The following CUL4B variants were observed in gnomAD, a reference collection of about 807,000 sequenced individuals.
CUL4B encodes the protein cullin 4B.
CUL4B carries 1 observed loss-of-function variant against 69.2 expected under a neutral mutation model. The ratio of observed to expected loss-of-function variants is 0.01; its 90% CI spans 0.01 to 0.07. CUL4B has a LOEUF of 0.07. Among genes scored for constraint, CUL4B ranks in the 10% least tolerant of loss-of-function variants. The pLI is 1.00. For missense variants in CUL4B, 328 were observed against 638.8 expected, an observed-to-expected ratio of 0.51 and a Z score of 5.24; for synonymous variants, 237 against 223.2, an observed-to-expected ratio of 1.06 and a Z score of -0.55.
At chrX:120,574,371 C>CGGCTA (rs759780489) in intron 2 of CUL4B, among the ~76,000 whole-genome samples, 9 of 109,874 alleles carry the variant, frequency 8.2e-5, no homozygotes, top group Non-Finnish European at 1.5e-4. Context: ...CAACCACGCC[C>CGGCTA]GGCTAATTTT....
At chrX:120,540,085 T>A in intron 11 of CUL4B, among the ~76,000 whole-genome samples, 1 of 112,348 alleles carries the variant, frequency 8.9e-6, no homozygotes, top group Non-Finnish European at 1.9e-5. Context: ...ACACCCTGCC[T>A]CATTTTTAAA....
intron 2 of CUL4B, 145 bp from the exon 3 acceptor site, chrX:120,547,384 A>G (rs1602581641): frequency 2.1e-6 from 1 of 477,990 alleles, no homozygotes; most frequent in East Asian, 3.7e-5. Flanking sequence ...AAAACAACAA[A>G]ATATATCAAT....
At chrX:120,542,265 T>C (rs917552762) in intron 9 of CUL4B, among the ~76,000 whole-genome samples, 1 of 111,723 alleles carries the variant, frequency 9.0e-6, no homozygotes, top group Non-Finnish European at 1.9e-5. Context: ...GAATACTGGA[T>C]ATAGCCTGTG....
At chrX:120,568,890 G>A (rs778122011), downstream of CUL4B, among the ~76,000 whole-genome samples, 4 of 111,914 alleles carry the variant, frequency 3.6e-5, no homozygotes, top group East Asian at 1.1e-3. Context: ...AAGGAGACTT[G>A]CCATAAAATA....
chrX:120,530,089 C>T lies in CUL4B; in HGVS notation c.2592+13G>A, dbSNP rs754027121. 3 of 1,203,708 alleles carry T rather than the reference C, an allele frequency of 2.5e-6. No homozygotes were observed. The highest frequency in any genetic ancestry group is 3.4e-6 in the Non-Finnish European group (3 of 890,163). On this transcript the variant is annotated intron_variant, in intron 19 of 19. Transcript: ENST00000371322. ...TTATAACACGCTCAATAGGAAAACACAGAAGTACCTACCTTTACTGGAAAT... is the reference window on the plus strand; with the variant it reads ...TTATAACACGCTCAATAGGAAAACATAGAAGTACCTACCTTTACTGGAAAT...
rs1924085209 is a variant in CUL4B, at chrX:120,542,961, A to G, written c.1324+5T>C. 1 of 1,185,949 alleles carries G rather than the reference A, an allele frequency of 8.4e-7. No individual in the cohort carries two copies. The highest frequency in any genetic ancestry group is 1.1e-6 in the Non-Finnish European group (1 of 874,505). On this transcript the variant is annotated splice_donor_5th_base_variant and intron_variant, in intron 9 of 19. Transcript: ENST00000371322. ...GCAATCTCTTATTTACAAATTGCCA[A>G]TTACCTTTCTGAAGAATTGCTGTTA... is the stretch of plus-strand genomic sequence containing the variant.
chrX:120,562,635 G>A (rs1279639605), upstream of CUL4B, among the ~76,000 whole-genome samples: 1 of 112,073 alleles, frequency 8.9e-6, no homozygotes, highest in Non-Finnish European at 1.9e-5. Context: ...CAGAGATTAT[G>A]TTTATGCTGT....
chrX:120,569,252 C>T (rs940199911), downstream of CUL4B, among the ~76,000 whole-genome samples: 4 of 111,968 alleles, frequency 3.6e-5, no homozygotes, highest in Non-Finnish European at 5.6e-5. Flanking sequence ...TGTTCTACTC[C>T]CTTAGTATAC....
At chrX:120,569,713 A>G (rs1219072784), downstream of CUL4B, among the ~76,000 whole-genome samples, 4 of 111,698 alleles carry the variant, frequency 3.6e-5, no homozygotes, top group Admixed American at 9.5e-5. Flanking sequence ...GACAATTACA[A>G]GACAGAGTGA....
At chrX:120,545,010 T>C (rs778785061) in intron 5 of CUL4B, among the ~76,000 whole-genome samples, 35 of 112,578 alleles carry the variant, frequency 3.1e-4, no homozygotes, top group African/African-American at 1.1e-3. Context: ...ATTTATCAAC[T>C]GGTTTCAATA....
chrX:120,530,740 G>A (rs1302674881), intron 18 of CUL4B, among the ~76,000 whole-genome samples: 1 of 111,855 alleles, frequency 8.9e-6, no homozygotes, highest in East Asian at 2.8e-4. Flanking sequence ...TTTTTATTTT[G>A]TAATATATAA....
downstream of CUL4B, among the ~76,000 whole-genome samples, chrX:120,567,522 TAGTC>T (rs1281454865): frequency 9.1e-6 from 1 of 109,464 alleles, no homozygotes; most frequent in Non-Finnish European, 1.9e-5. Context: ...GGTCCAAACC[TAGTC>T]AGTCCAATTC....
At chrX:120,542,924 A>G in intron 9 of CUL4B, 42 bp downstream of exon 9, 3 of 1,001,658 alleles carry the variant, frequency 3.0e-6, no homozygotes, top group Non-Finnish European at 4.2e-6. Context: ...GTTTGCCACT[A>G]CCATTTAAAA....
intron 17 of CUL4B, 104 bp downstream of exon 17, chrX:120,534,377 A>C (rs1203209393): frequency 5.0e-6 from 3 of 604,537 alleles, no homozygotes; most frequent in Non-Finnish European, 8.3e-6. Context: ...GAAAAAAAAA[A>C]CTCAAAACAG....
At chrX:120,561,441 TG>T (rs771003908), upstream of CUL4B, 2,735 of 261,961 alleles carry the variant, frequency 0.01, 14 homozygotes, top group African/African-American at 0.035. Flanking sequence ...AGGACTTGAG[TG>T]GGGGGGGGAA....
chrX:120,548,857 A>C (rs1226018637), intron 2 of CUL4B, among the ~76,000 whole-genome samples: 1 of 111,872 alleles, frequency 8.9e-6, no homozygotes, highest in Non-Finnish European at 1.9e-5. Flanking sequence ...ATAAAAAATA[A>C]ATAAAATTTG....
Position 120,525,797 on chromosome X carries a change from G to C in CUL4B, c.*964C>G, listed in dbSNP as rs781681398. On this transcript the variant is annotated 3_prime_UTR_variant, in exon 20 of 20. Transcript: ENST00000371322. ...AGGAATGCTAAATCCTAGGAAGCCT[G>C]TAACAATCTACAATTGGTCCAAGTT... The C allele has an allele frequency of 1.8e-5, 2 of 111,929 alleles. No homozygotes were observed. The highest frequency in any genetic ancestry group is 3.2e-5 in the African/African-American group (1 of 30,847). The allele number at this position is 111,929 out of a possible 1,213,427, so 9.2% of individuals were successfully genotyped here. A position where few individuals can be genotyped will look rare whatever the true frequency, so the allele number is the denominator to read the frequency against.
chrX:120,570,971 C>T (rs1269638669), downstream of CUL4B, among the ~76,000 whole-genome samples: 3 of 99,271 alleles, frequency 3.0e-5, no homozygotes, highest in South Asian at 1.0e-3. Flanking sequence ...GCAGGAGGAT[C>T]GCTTGAGCCC....
At position 120,559,886 on chromosome X, in the gene CUL4B, T is replaced by A. The variant is rs1336205429; in HGVS notation, c.556+197A>T. 5 of 1,142,675 alleles carry A rather than the reference T, an allele frequency of 4.4e-6. No individual in the cohort carries two copies. In the Admixed American group the frequency reaches 8.5e-5, roughly 19 times the overall value. The allele number at this position is 1,142,675 out of a possible 1,213,427, so 94.2% of individuals were successfully genotyped here. A position where few individuals can be genotyped will look rare whatever the true frequency, so the allele number is the denominator to read the frequency against. On this transcript the variant is annotated intron_variant, in intron 1 of 19. Transcript: ENST00000371322. Reference sequence around the variant, plus strand: ...AAATACTGCACAGAAACACCCGGTGTATGCTTCAGCACAAGGATCCTAACC... The same window carrying A: ...AAATACTGCACAGAAACACCCGGTGAATGCTTCAGCACAAGGATCCTAACC...
Sources: gnomAD v4.1 joint callset for allele counts (sites outside exome capture counted in the v4.1 genomes callset) on GRCh38, gnomAD v4.1.1 for gene constraint, MANE v1.5 for transcripts, NCBI Gene and HGNC (gene_info 2026-07-23, HGNC 2026-07-21) for gene names.